The following BST1 variants were observed in gnomAD, a reference collection of about 807,000 sequenced individuals.
BST1 encodes the protein bone marrow stromal cell antigen 1.
A neutral mutation model predicts 40.6 loss-of-function variants in BST1; 49 were observed. The observed-to-expected ratio is 1.21, with a 90% CI of 0.96 to 1.53. The LOEUF is 1.53. Among genes scored for constraint, BST1 ranks in the 40% most tolerant of loss-of-function variants. The pLI is 0.00. For synonymous variants in BST1, 157 were observed against 159.3 expected (o/e 0.99, Z 0.11); for missense variants, 423 against 395.9 (o/e 1.07, Z -0.58).
At chr4:15,721,470 T>C (rs1391025819) in intron 7 of BST1, among the ~76,000 whole-genome samples, 2 of 152,184 alleles carry the variant, frequency 1.3e-5, no homozygotes, top group Admixed American at 1.3e-4. Context: ...TGGAATACTA[T>C]GCAGCCATAA....
rs1461071605 is a variant in BST1 at position 15,703,121 on chromosome 4, G to T, written c.-24G>T. 1.9e-6 allele frequency: 3 copies of T among 1,582,974 alleles called. No individual in the cohort carries two copies. Among genetic ancestry groups the T allele is most frequent in the East Asian group, 2.3e-5 (1 of 43,122 alleles). On this transcript the variant is annotated 5_prime_UTR_variant, in exon 1 of 9. Transcript: ENST00000265016. ...GAGAAGGGGAGTGGAGGAAGCACGG[G>T]ACTGGAGGGACCAAAGTTCCCCGAT...
chr4:15,716,464 T>C (rs1430138746), intron 6 of BST1, among the ~76,000 whole-genome samples: 3 of 152,080 alleles, frequency 2.0e-5, no homozygotes, highest in Non-Finnish European at 4.4e-5. Context: ...TTCAGAACAG[T>C]CCCTCCGTGC....
chr4:15,771,441 C>CA, the BST1 span, among the ~76,000 whole-genome samples: 5 of 152,126 alleles, frequency 3.3e-5, no homozygotes, highest in Non-Finnish European at 7.4e-5. Flanking sequence ...AGATAAAATG[C>CA]AAAATGAGAA....
chr4:15,720,635 C>A (rs1404455706), intron 7 of BST1, among the ~76,000 whole-genome samples: 1 of 150,524 alleles, frequency 6.6e-6, no homozygotes, highest in Non-Finnish European at 1.5e-5. Flanking sequence ...TAATCCAAAA[C>A]AGCTCAATAG....
the BST1 span, among the ~76,000 whole-genome samples, chr4:15,758,702 C>G: frequency 6.6e-3 from 1,004 of 152,306 alleles, 13 homozygotes; most frequent in African/African-American, 0.023. Context: ...CCCTAACACC[C>G]TCACCCTCTA....
the BST1 span, among the ~76,000 whole-genome samples, chr4:15,759,782 G>T: frequency 1.3e-5 from 2 of 151,726 alleles, no homozygotes; most frequent in African/African-American, 2.4e-5. Context: ...TCAATACCCC[G>T]CTTTCTCCTT....
intron 1 of BST1, among the ~76,000 whole-genome samples, chr4:15,705,254 T>G (rs1365511036): frequency 6.6e-6 from 1 of 151,858 alleles, no homozygotes; most frequent in Non-Finnish European, 1.5e-5. Flanking sequence ...CGGTGCCATT[T>G]CTGCTTGTCT....
the BST1 span, among the ~76,000 whole-genome samples, chr4:15,757,937 C>T: frequency 6.6e-5 from 10 of 151,876 alleles, no homozygotes; most frequent in Admixed American, 2.0e-4. Flanking sequence ...CCACCGCGCC[C>T]GGTGGGATTT....
chr4:15,714,756 C>T (rs900338556), intron 4 of BST1, among the ~76,000 whole-genome samples: 6 of 152,196 alleles, frequency 3.9e-5, no homozygotes, highest in African/African-American at 1.4e-4. Context: ...ATTATTTACA[C>T]GTGACTTACA....
the BST1 span, among the ~76,000 whole-genome samples, chr4:15,747,813 G>A: frequency 6.6e-6 from 1 of 152,072 alleles, no homozygotes; most frequent in African/African-American, 2.4e-5. Flanking sequence ...AGGACTACAG[G>A]CACAAGTCAC....
chr4:15,753,945 C>T, the BST1 span, among the ~76,000 whole-genome samples: 2 of 152,266 alleles, frequency 1.3e-5, no homozygotes, highest in Admixed American at 6.5e-5. Flanking sequence ...CTGAGGCAAC[C>T]CTGCAGGGAG....
rs542290649 is a variant in BST1 at position 15,724,462 on chromosome 4, G to T, written c.851+1528G>T. Among the ~76,000 whole-genome samples the T allele has an allele frequency of 5.0e-3, 764 of 152,296 alleles. 21 individuals are homozygous for T. Among genetic ancestry groups the T allele is most frequent in the Admixed American group, 0.023 (353 of 15,296 alleles). Reference sequence around the variant, plus strand: ...AGCACTTTGGGAGGCTGAGGCGGGTGGATCACCTGAGGTCAGGAGTTCAAG... The same window carrying T: ...AGCACTTTGGGAGGCTGAGGCGGGTTGATCACCTGAGGTCAGGAGTTCAAG... On this transcript the variant is annotated intron_variant, in intron 8 of 8. Coordinates refer to ENST00000265016, the MANE Select transcript of BST1 (RefSeq NM_004334.3).
At chr4:15,722,755 G>A in intron 7 of BST1, 120 bp from the exon 8 acceptor site, 1 of 786,022 alleles carries the variant, frequency 1.3e-6, no homozygotes, top group African/African-American at 1.7e-5. Flanking sequence ...AGAGGAAATA[G>A]TTTGTGTATT....
At chr4:15,754,794 A>G in the BST1 span, among the ~76,000 whole-genome samples, 1 of 152,156 alleles carries the variant, frequency 6.6e-6, no homozygotes. Context: ...CTATGAAAAA[A>G]TCTCATTCCC....
the BST1 span, among the ~76,000 whole-genome samples, chr4:15,760,852 C>CTT: frequency 5.9e-3 from 820 of 138,786 alleles, 16 homozygotes; most frequent in African/African-American, 0.021. Context: ...CCACGCCTAG[C>CTT]TTTTTTTTTT....
At chr4:15,737,703 C>A (rs1047061512), downstream of BST1, 8 of 966,392 alleles carry the variant, frequency 8.3e-6, no homozygotes, top group Admixed American at 1.6e-4. Context: ...CCTCTCCTGT[C>A]GTAGGTACCA....
Position 15,707,562 on chromosome 4 carries a change from AC to A in BST1, c.370del (p.Arg124ValfsTer6), listed in dbSNP as rs745881164. 6.2e-7 allele frequency: 1 copy of A among 1,613,950 alleles called. No individual in the cohort carries two copies. The highest frequency in any genetic ancestry group is 8.5e-7 in the Non-Finnish European group (1 of 1,179,998). ...CCTTGTTAACAGCTTTGCAGACAAC[AC>A]CCGTCGTTTTATGCCCCTGAGCGAT... is the stretch of plus-strand genomic sequence containing the variant. ...HLLVNSFADN[T>X]RRFMPLSDVL... On this transcript the variant is annotated frameshift_variant, in exon 3 of 9. Transcript: ENST00000265016. LOFTEE classifies it high-confidence loss of function.
At chr4:15,764,528 G>A in the BST1 span, among the ~76,000 whole-genome samples, 1 of 151,968 alleles carries the variant, frequency 6.6e-6, no homozygotes, top group Admixed American at 6.5e-5. Flanking sequence ...GCACAAGTTG[G>A]TGTTCTGGGT....
intron 1 of BST1, chr4:15,704,981 T>C: frequency 1.3e-6 from 1 of 771,156 alleles, no homozygotes; most frequent in South Asian, 1.4e-5. Context: ...GAAACAAAGT[T>C]ACAAATGCTA....
Sources: allele counts gnomAD v4.1 joint callset (sites outside exome capture counted in the v4.1 genomes callset), GRCh38; gene constraint gnomAD v4.1.1; transcripts MANE v1.5; gene names NCBI Gene and HGNC (gene_info 2026-07-23, HGNC 2026-07-21).